The following SMIM19 variants were observed in gnomAD, a reference collection of about 807,000 sequenced individuals.
SMIM19 encodes the protein UPF0697 protein C8orf40.
Under a neutral mutation model 13.2 loss-of-function variants are expected in SMIM19, and 6 were observed. The ratio of observed to expected loss-of-function variants is 0.45; its 90% CI spans 0.25 to 0.90. The LOEUF (loss-of-function observed/expected upper bound fraction) is 0.90, where lower values mean the gene tolerates loss of function less well. Ranked by LOEUF, SMIM19 falls within the 40% of genes least tolerant of loss-of-function variation. SMIM19 has a pLI of 0.19. For missense variants in SMIM19, 138 were observed against 131.0 expected, an observed-to-expected ratio of 1.05 and a Z score of -0.26; for synonymous variants, 46 against 43.1, an observed-to-expected ratio of 1.07 and a Z score of -0.27.
At chr8:42,548,810 A>G in intron 3 of SMIM19, 30 bp downstream of exon 3, 1 of 1,573,424 alleles carries the variant, frequency 6.4e-7, no homozygotes, top group Non-Finnish European at 8.6e-7. Flanking sequence ...AAAGATACAC[A>G]TATGCACATT....
chr8:42,548,951 T>C (rs1813578897), intron 3 of SMIM19, among the ~76,000 whole-genome samples, 171 bp downstream of exon 3: 1 of 152,218 alleles, frequency 6.6e-6, no homozygotes, highest in Non-Finnish European at 1.5e-5. Flanking sequence ...CTTTTGTATT[T>C]TATACCATTT....
At position 42,554,277 on chromosome 8, in the gene SMIM19, C is replaced by T. The variant is rs568404533; in HGVS notation, c.*1669C>T. ...GTAATTATGGGTTGTAGTAACAGAG[C>T]AACAAGGGGACAATCTTCTAAACTT... On this transcript the variant is annotated 3_prime_UTR_variant, in exon 4 of 4. Transcript: ENST00000417410. 6.6e-6 allele frequency: 1 copy of T among 152,170 alleles called. No individual in the cohort carries two copies. Among genetic ancestry groups the T allele is most frequent in the South Asian group, 2.1e-4 (1 of 4,830 alleles). 9.4% of individuals were successfully genotyped at this position (152,170 alleles called of 1,614,324 possible). A position where few individuals can be genotyped will look rare whatever the true frequency, so the allele number is the denominator to read the frequency against.
chr8:42,553,167 C>T lies in SMIM19; in HGVS notation c.*559C>T, dbSNP rs916118034. On this transcript the variant is annotated 3_prime_UTR_variant, in exon 4 of 4. Transcript: ENST00000417410. Reference sequence around the variant, plus strand: ...GGTTTAAACGATTCTCCTGCCACAGCCTCCTGAATATTCTGTTAACAGCTC... The same window carrying T: ...GGTTTAAACGATTCTCCTGCCACAGTCTCCTGAATATTCTGTTAACAGCTC... 3.9e-5 allele frequency: 6 copies of T among 152,014 alleles called. No homozygotes were observed. The highest frequency in any genetic ancestry group is 1.5e-4 in the African/African-American group (6 of 41,274). The allele number at this position is 152,014 out of a possible 1,614,324, so 9.4% of individuals were successfully genotyped here. A position where few individuals can be genotyped will look rare whatever the true frequency, so the allele number is the denominator to read the frequency against.
chr8:42,544,776 T>C (rs1296520958), intron 1 of SMIM19, among the ~76,000 whole-genome samples: 1 of 152,216 alleles, frequency 6.6e-6, no homozygotes, highest in Non-Finnish European at 1.5e-5. Context: ...AAACATGCCA[T>C]GTGGCTTAGG....
At chr8:42,543,509 G>C (rs1255404514) in intron 1 of SMIM19, among the ~76,000 whole-genome samples, 1 of 152,148 alleles carries the variant, frequency 6.6e-6, no homozygotes, top group South Asian at 2.1e-4. Context: ...TATAATATAG[G>C]TTGTATAATT....
Position 42,554,928 on chromosome 8 carries a change from T to G in SMIM19, c.*2320T>G, listed in dbSNP as rs1298604683. ...TGAGTGTGTTAAATAACTGGCTGTT[T>G]AGCTGATGCCAGCCAGCTGCGTGAA... On this transcript the variant is annotated 3_prime_UTR_variant, in exon 4 of 4. Coordinates refer to ENST00000417410, the MANE Select transcript of SMIM19 (RefSeq NM_001135674.2). 1.3e-5 allele frequency: 2 copies of G among 152,244 alleles called. No individual in the cohort carries two copies. The highest frequency in any genetic ancestry group is 4.1e-4 in the South Asian group (2 of 4,838). The allele number at this position is 152,244 out of a possible 1,614,324, so 9.4% of individuals were successfully genotyped here.
intron 3 of SMIM19, among the ~76,000 whole-genome samples, chr8:42,549,982 G>C (rs551577714): frequency 6.6e-6 from 1 of 152,024 alleles, no homozygotes; most frequent in African/African-American, 2.4e-5. Flanking sequence ...TGTAATCCCA[G>C]CTACTCAGGA....
Position 42,546,530 on chromosome 8 carries a change from G to A in SMIM19, c.58G>A (p.Glu20Lys), listed in dbSNP as rs757691968. The change falls in exon 2 of 4, where the codon GAA becomes AAA. Residue 20 changes from glutamate to lysine, a missense_variant. Transcript: ENST00000417410. ...TGGTTCTATTGATTATACTGTTCAC[G>A]AAGCCTGGAATGAAGCCACCAATGT... ...DDGSIDYTVH[E>K]AWNEATNVYL... 43 of 1,614,090 alleles carry A rather than the reference G, an allele frequency of 2.7e-5. 1 individual carries two copies. Among genetic ancestry groups the A allele is most frequent in the South Asian group, 6.6e-5 (6 of 91,092 alleles).
chr8:42,541,953 C>G lies in SMIM19; in HGVS notation c.-425C>G, dbSNP rs1280362000. The G allele has an allele frequency of 1.3e-5, 2 of 152,184 alleles. No individual in the cohort carries two copies. The highest frequency in any genetic ancestry group is 1.3e-4 in the Admixed American group (2 of 15,282). 9.4% of individuals were successfully genotyped at this position (152,184 alleles called of 1,614,324 possible). ...ACACGGGCCAGTTGCGGCGGCCCAT[C>G]TGCCGGGGCGGCGGGGGCTCGGCGG... On this transcript the variant is annotated 5_prime_UTR_variant, in exon 1 of 4. The change creates a new upstream start codon in the 5' untranslated region. Coordinates refer to ENST00000417410, the MANE Select transcript of SMIM19 (RefSeq NM_001135674.2).
At chr8:42,544,038 T>C (rs1813387143) in intron 1 of SMIM19, among the ~76,000 whole-genome samples, 1 of 151,130 alleles carries the variant, frequency 6.6e-6, no homozygotes, top group Non-Finnish European at 1.5e-5. Context: ...AGTAGGCTGA[T>C]TACTTACTAT....
At chr8:42,552,121 T>G (rs565766874) in intron 3 of SMIM19, among the ~76,000 whole-genome samples, 1 of 152,210 alleles carries the variant, frequency 6.6e-6, no homozygotes, top group East Asian at 1.9e-4. Flanking sequence ...TTGTTTTAAT[T>G]CTAGACTAAT....
chr8:42,545,600 C>T (rs2923445), intron 1 of SMIM19, among the ~76,000 whole-genome samples: 1 of 151,890 alleles, frequency 6.6e-6, no homozygotes, highest in Non-Finnish European at 1.5e-5. Flanking sequence ...GCCTGACCTC[C>T]GCTCACTGTA....
intron 1 of SMIM19, among the ~76,000 whole-genome samples, chr8:42,542,936 C>A (rs1479611904): frequency 6.6e-6 from 1 of 151,068 alleles, no homozygotes; most frequent in African/African-American, 2.4e-5. Context: ...GCCGAGATCG[C>A]ACCACTGCCC....
chr8:42,544,731 A>G (rs1169988302), intron 1 of SMIM19, among the ~76,000 whole-genome samples: 1 of 152,246 alleles, frequency 6.6e-6, no homozygotes. Flanking sequence ...GTATGTCCCC[A>G]AACATCTGAC....
intron 1 of SMIM19, among the ~76,000 whole-genome samples, chr8:42,544,033 G>A (rs1324345545): frequency 6.6e-6 from 1 of 151,504 alleles, no homozygotes; most frequent in South Asian, 2.1e-4. Context: ...TCTAAAGTAG[G>A]CTGATTACTT....
intron 2 of SMIM19, among the ~76,000 whole-genome samples, chr8:42,547,020 C>G (rs768008008): frequency 5.3e-5 from 8 of 151,942 alleles, no homozygotes; most frequent in Non-Finnish European, 1.0e-4. Context: ...CTGAAAGACA[C>G]TGTCTACTCT....
intron 3 of SMIM19, among the ~76,000 whole-genome samples, chr8:42,551,722 G>A (rs569670527): frequency 1.3e-5 from 2 of 151,906 alleles, no homozygotes; most frequent in Admixed American, 6.6e-5. Flanking sequence ...CAGGATGATC[G>A]TTTGAGCCCA....
At chr8:42,551,233 G>T (rs1211965066) in intron 3 of SMIM19, among the ~76,000 whole-genome samples, 5 of 151,376 alleles carry the variant, frequency 3.3e-5, no homozygotes, top group Admixed American at 2.6e-4. Context: ...CAGGAGAATG[G>T]CATGAACCCA....
intron 1 of SMIM19, 180 bp from the exon 2 acceptor site, chr8:42,546,289 C>T: frequency 1.7e-6 from 1 of 577,404 alleles, no homozygotes; most frequent in Non-Finnish European, 2.7e-6. Context: ...ATAGAGAGGG[C>T]CAACTGCACC....
Sources: allele counts gnomAD v4.1 joint callset (sites outside exome capture counted in the v4.1 genomes callset), GRCh38; gene constraint gnomAD v4.1.1; transcripts MANE v1.5; gene names NCBI Gene and HGNC (gene_info 2026-07-23, HGNC 2026-07-21).